CHST1: variants seen among roughly 807,000 people sequenced by gnomAD.
CHST1 encodes the protein carbohydrate sulfotransferase 1, also known as Keratan sulfotransferase.
In CHST1, 10 loss-of-function variants were observed where a neutral mutation model predicts 22.5. The ratio of observed to expected loss-of-function variants is 0.44; its 90% CI spans 0.27 to 0.75. The LOEUF (loss-of-function observed/expected upper bound fraction) is 0.75, where lower values mean the gene tolerates loss of function less well. CHST1 is among the 30% of genes least tolerant of loss of function. CHST1 has a pLI of 0.15. For missense variants in CHST1, 439 were observed against 576.1 expected, an observed-to-expected ratio of 0.76 and a Z score of 2.44; for synonymous variants, 267 against 264.5, an observed-to-expected ratio of 1.01 and a Z score of -0.09.
At chr11:45,658,173 C>A (rs1225925206) in intron 1 of CHST1, among the ~76,000 whole-genome samples, 5 of 152,210 alleles carry the variant, frequency 3.3e-5, no homozygotes, top group African/African-American at 4.8e-5. Flanking sequence ...AATCCAACTG[C>A]TGTTGCCTTA....
At chr11:45,657,536 T>C (rs1319759305) in intron 1 of CHST1, among the ~76,000 whole-genome samples, 2 of 152,196 alleles carry the variant, frequency 1.3e-5, no homozygotes, top group Non-Finnish European at 2.9e-5. Context: ...CCAAGGGAGC[T>C]CTTACAGAGC....
In CHST1 at chr11:45,649,294, G is replaced by C. The variant is rs909004505; in HGVS notation, c.*394C>G. On this transcript the variant is annotated 3_prime_UTR_variant, in exon 4 of 4. Coordinates refer to ENST00000308064, the MANE Select transcript of CHST1 (RefSeq NM_003654.6). ...TGTTTGTATCCTCTTACCTTGAATA[G>C]TAAGACAGTGCAAAAACTAGATACC... The C allele has an allele frequency of 2.9e-5, 6 of 205,168 alleles. No homozygotes were observed. The East Asian group carries it at 7.3e-4, about 25-fold the overall frequency. The allele number at this position is 205,168 out of a possible 1,614,324, so 12.7% of individuals were successfully genotyped here. A position where few individuals can be genotyped will look rare whatever the true frequency, so the allele number is the denominator to read the frequency against.
At chr11:45,663,813 T>C (rs144901052) in intron 1 of CHST1, among the ~76,000 whole-genome samples, 3 of 152,240 alleles carry the variant, frequency 2.0e-5, no homozygotes, top group Non-Finnish European at 4.4e-5. Context: ...AATCCACCCA[T>C]TCCTTTCCCC....
intron 1 of CHST1, among the ~76,000 whole-genome samples, chr11:45,656,730 C>CA: frequency 7.0e-6 from 1 of 142,562 alleles, no homozygotes; most frequent in East Asian, 2.0e-4. Flanking sequence ...CCTCCCCCCC[C>CA]AGGCACTGCC....
At chr11:45,663,636 A>T (rs536802594) in intron 1 of CHST1, among the ~76,000 whole-genome samples, 2 of 152,154 alleles carry the variant, frequency 1.3e-5, no homozygotes, top group East Asian at 3.9e-4. Flanking sequence ...TTGGGGGATG[A>T]TTAGCAGAGA....
rs569951755 is a variant in CHST1, at chr11:45,648,652, T to C, written c.*1036A>G. On this transcript the variant is annotated 3_prime_UTR_variant, in exon 4 of 4. Coordinates refer to ENST00000308064, the MANE Select transcript of CHST1 (RefSeq NM_003654.6). ...GTTGCAGTGAGCCGAGATGGCGCCA[T>C]TGCACTCCAGCCTGGGTGACAGAGC... Among the ~76,000 whole-genome samples the C allele has an allele frequency of 2.5e-4, 38 of 152,082 alleles. No homozygotes were observed. The highest frequency in any genetic ancestry group is 9.2e-4 in the African/African-American group (38 of 41,496).
intron 1 of CHST1, among the ~76,000 whole-genome samples, chr11:45,657,327 CAAGGGTAT>C (rs1852074717): frequency 6.6e-6 from 1 of 152,150 alleles, no homozygotes; most frequent in Non-Finnish European, 1.5e-5. Flanking sequence ...AAGGGGAAAA[CAAGGGTAT>C]AAGAGTCTGA....
In CHST1 at chr11:45,649,762, C is replaced by A; in HGVS notation, c.1162G>T (p.Ala388Ser). ...TTCTTCAGCTCCTCCTCCGAGGCGG[C>A]GATCTTGTAGCCCAGCTGGGCCAGC... ...QVLAQLGYKI[A>S]ASEEELKNPS... Residue 388 changes from alanine (A) to serine (S), a missense_variant, in exon 4 of 4, where the codon GCC (alanine) becomes TCC (serine). Physicochemically the swap from Ala to Ser is moderately conservative, Grantham distance 99. Transcript: ENST00000308064. 1 of 1,610,812 alleles carries A rather than the reference C, an allele frequency of 6.2e-7. No individual in the cohort carries two copies. The highest frequency in any genetic ancestry group is 8.5e-7 in the Non-Finnish European group (1 of 1,179,378).
chr11:45,655,985 TG>T (rs2120337347), intron 1 of CHST1, among the ~76,000 whole-genome samples: 1 of 152,360 alleles, frequency 6.6e-6, no homozygotes, highest in African/African-American at 2.4e-5. Context: ...ATTCTAGGGC[TG>T]GGCATTTCTG....
chr11:45,658,128 C>T (rs1209644660), intron 1 of CHST1, among the ~76,000 whole-genome samples: 2 of 152,208 alleles, frequency 1.3e-5, no homozygotes, highest in Non-Finnish European at 2.9e-5. Context: ...GGTAGTTAGG[C>T]ACCCCAGCTG....
Position 45,650,363 on chromosome 11 carries a change from T to C in CHST1, c.561A>G (p.Leu187=). 2.5e-6 allele frequency: 4 copies of C among 1,603,332 alleles called. No individual in the cohort carries two copies. The highest frequency in any genetic ancestry group is 3.4e-6 in the Non-Finnish European group (4 of 1,179,720). ...EEGDCVRKCG[L]LNLTVAAEAC... is the part of the protein sequence containing the mutation. ...CCTCGGCCGCCACGGTCAGGTTGAG[T>C]AGCCCGCACTTGCGCACACAGTCCC... Residue 187 remains leucine (L), a synonymous_variant, in exon 4 of 4, where the codon CTA becomes CTG. Transcript: ENST00000308064.
chr11:45,660,266 C>G (rs1328670082), intron 1 of CHST1, among the ~76,000 whole-genome samples: 1 of 152,162 alleles, frequency 6.6e-6, no homozygotes, highest in Non-Finnish European at 1.5e-5. Context: ...TCAGAAGTGG[C>G]AGGAAGAGAA....
chr11:45,659,985 G>A lies in CHST1; in HGVS notation c.-227+5193C>T, dbSNP rs147327966. Among the ~76,000 whole-genome samples the A allele has an allele frequency of 1.6e-4, 24 of 152,290 alleles. No homozygotes were observed. In the East Asian group the frequency reaches 4.4e-3, roughly 28 times the overall value. ...CTCACCCTGTCACCCCTCTTCTGCTGGGTGAAGAGCATTAGGAGGGGCCAC... is the reference window on the plus strand; with the variant it reads ...CTCACCCTGTCACCCCTCTTCTGCTAGGTGAAGAGCATTAGGAGGGGCCAC... On this transcript the variant is annotated intron_variant, in intron 1 of 3. Transcript: ENST00000308064.
intron 1 of CHST1, among the ~76,000 whole-genome samples, chr11:45,654,157 A>G (rs748463858): frequency 1.1e-4 from 17 of 152,228 alleles, no homozygotes; most frequent in Non-Finnish European, 1.8e-4. Context: ...AAAGAGAAAC[A>G]TCTTGCCATC....
At chr11:45,659,747 T>C (rs2120349962) in intron 1 of CHST1, among the ~76,000 whole-genome samples, 1 of 152,226 alleles carries the variant, frequency 6.6e-6, no homozygotes, top group Middle Eastern at 3.4e-3. Context: ...CTTTGAGTGG[T>C]TTTATGACCA....
chr11:45,658,405 T>C (rs950737636), intron 1 of CHST1, among the ~76,000 whole-genome samples: 1 of 152,240 alleles, frequency 6.6e-6, no homozygotes, highest in East Asian at 1.9e-4. Flanking sequence ...AGGGGCACCA[T>C]TGGCCTGGAA....
In CHST1 at chr11:45,649,532, A is replaced by G; in HGVS notation, c.*156T>C. The G allele has an allele frequency of 1.2e-6, 1 of 805,640 alleles. No homozygotes were observed. The highest frequency in any genetic ancestry group is 1.8e-5 in the South Asian group (1 of 54,326). The allele number at this position is 805,640 out of a possible 1,614,324, so 49.9% of individuals were successfully genotyped here. A position where few individuals can be genotyped will look rare whatever the true frequency, so the allele number is the denominator to read the frequency against. On this transcript the variant is annotated 3_prime_UTR_variant, in exon 4 of 4. Coordinates refer to ENST00000308064, the MANE Select transcript of CHST1 (RefSeq NM_003654.6). ...CCAAGACGTAGTGCAAATTTCAGAG[A>G]CAAAAAAGGGGCAGAAGGGAGTGGG...
In CHST1 at chr11:45,648,666, G is replaced by A. The variant is rs45507997; in HGVS notation, c.*1022C>T. On this transcript the variant is annotated 3_prime_UTR_variant, in exon 4 of 4. Transcript: ENST00000308064. The stretch of plus-strand genomic sequence containing the variant: ...AGATGGCGCCATTGCACTCCAGCCT[G>A]GGTGACAGAGCGAGACTCTGTCTCA... 3.2e-3 allele frequency among the ~76,000 whole-genome samples: 490 copies of A among 152,306 alleles called. 1 individual carries two copies. Among genetic ancestry groups the A allele is most frequent in the African/African-American group, 0.011 (473 of 41,576 alleles).
At position 45,665,425 on chromosome 11, in the gene CHST1, G is replaced by C. The variant is rs1852187941; in HGVS notation, c.-474C>G. ...CGGGGCGGCTCGAGCAGCTGAGTGC[G>C]TTCTCTCCGGCCGGACGCGGGACCC... On this transcript the variant is annotated 5_prime_UTR_variant, in exon 1 of 4. Transcript: ENST00000308064. This position sits in a 1 kb window ranked among gnomAD's most constrained non-coding sequence, Gnocchi z 4.0. 2 of 151,706 alleles carry C rather than the reference G, an allele frequency of 1.3e-5. No individual in the cohort carries two copies. Among genetic ancestry groups the C allele is most frequent in the African/African-American group, 4.8e-5 (2 of 41,358 alleles). The allele number at this position is 151,706 out of a possible 1,614,324, so 9.4% of individuals were successfully genotyped here.
Sources: allele counts gnomAD v4.1 joint callset (sites outside exome capture counted in the v4.1 genomes callset), GRCh38; gene constraint gnomAD v4.1.1; non-coding constraint Gnocchi (gnomAD v3.1); transcripts MANE v1.5; gene names NCBI Gene and HGNC (gene_info 2026-07-23, HGNC 2026-07-21).